Variants in SASH1 observed in about 807,000 individuals in gnomAD.
SASH1 encodes SAM and SH3 domain-containing protein 1.
Under a neutral mutation model 125.2 loss-of-function variants are expected in SASH1, and 44 were observed. That is an observed-to-expected ratio of 0.35 (90% CI 0.28 to 0.45). The LOEUF is 0.45. SASH1 is among the 20% of genes least tolerant of loss of function. SASH1 has a pLI of 1.00. For synonymous variants in SASH1, 639 were observed against 649.1 expected, an observed-to-expected ratio of 0.98 and a Z score of 0.24; for missense variants, 1,426 against 1,614.5, an observed-to-expected ratio of 0.88 and a Z score of 2.00.
In SASH1 at chr6:148,532,749, G is replaced by C; in HGVS notation, c.1565-48G>C. ...CCTTCAATACCTTTCTGCTTTGCTG[G>C]GTGGGAAATCTGGATCTACCCGTGT... is the stretch of plus-strand genomic sequence containing the variant. On this transcript the variant is annotated intron_variant, in intron 13 of 19. Coordinates refer to ENST00000367467, the MANE Select transcript of SASH1 (RefSeq NM_015278.5). The surrounding 1 kb of genome is among the most constrained non-coding windows in gnomAD (Gnocchi z 4.7). 1 of 1,603,078 alleles carries C rather than the reference G, an allele frequency of 6.2e-7. No individual in the cohort carries two copies. Among genetic ancestry groups the C allele is most frequent in the Non-Finnish European group, 8.5e-7 (1 of 1,172,438 alleles).
In SASH1 at chr6:148,533,633, AG is replaced by A; in HGVS notation, c.1735-137del. 1 of 768,134 alleles carries A rather than the reference AG, an allele frequency of 1.3e-6. No individual in the cohort carries two copies. Among genetic ancestry groups the A allele is most frequent in the Non-Finnish European group, 2.2e-6 (1 of 457,420 alleles). The allele number at this position is 768,134 out of a possible 1,614,324, so 47.6% of individuals were successfully genotyped here. On this transcript the variant is annotated intron_variant, in intron 14 of 19. Coordinates refer to ENST00000367467, the MANE Select transcript of SASH1 (RefSeq NM_015278.5). The surrounding 1 kb of genome is among the most constrained non-coding windows in gnomAD (Gnocchi z 6.2). The stretch of plus-strand genomic sequence containing the variant: ...CAGTCACATCCTATGCAGGTCACTC[AG>A]AGGGGTGACTTGTGGGACCCCGATT...
intron 10 of SASH1, among the ~76,000 whole-genome samples, chr6:148,524,100 T>C (rs1016688068): frequency 2.3e-4 from 21 of 92,498 alleles, no homozygotes; most frequent in Non-Finnish European, 4.9e-5. Flanking sequence ...CAGTTAATTA[T>C]ATATATATAT....
chr6:148,347,795 T>C (rs955289370), intron 1 of SASH1, among the ~76,000 whole-genome samples: 2 of 152,112 alleles, frequency 1.3e-5, no homozygotes, highest in African/African-American at 4.8e-5. Context: ...GGCCTCTCTA[T>C]GTGGAGAAGT....
the SASH1 span, among the ~76,000 whole-genome samples, chr6:148,209,217 A>G: frequency 3.3e-4 from 51 of 152,348 alleles, 1 homozygote; most frequent in African/African-American, 1.1e-3. Context: ...ATGAAATGAC[A>G]AAATATATTT....
At chr6:148,198,385 T>A in the SASH1 span, among the ~76,000 whole-genome samples, 4 of 152,242 alleles carry the variant, frequency 2.6e-5, no homozygotes, top group Non-Finnish European at 5.9e-5. Flanking sequence ...TTATTTCTAG[T>A]TTGTGGGCTT....
rs572409270 is a variant in SASH1, at chr6:148,481,215, T to C, written c.628-6399T>C. ...ATTTAATATAAGACGCACCTCCTTA[T>C]CTCTTCATAGAACTGAAAAGAGTTA... On this transcript the variant is annotated intron_variant, in intron 7 of 19. Coordinates refer to ENST00000367467, the MANE Select transcript of SASH1 (RefSeq NM_015278.5). Among the ~76,000 whole-genome samples the C allele has an allele frequency of 2.0e-4, 31 of 152,186 alleles. No individual in the cohort carries two copies. The East Asian group carries it at 5.8e-3, about 28-fold the overall frequency.
rs1243570219 is a variant in SASH1, at chr6:148,533,306, C to T, written c.1734+340C>T. ...GTTTTCTCCATCTGAAGAAAGATTT[C>T]TGCCTTCTGTGTGCTCAGAGGTACC... On this transcript the variant is annotated intron_variant, in intron 14 of 19. Transcript: ENST00000367467. This position sits in a 1 kb window ranked among gnomAD's most constrained non-coding sequence, Gnocchi z 6.2. Among the ~76,000 whole-genome samples the T allele has an allele frequency of 6.6e-6, 1 of 152,202 alleles. No homozygotes were observed. The highest frequency in any genetic ancestry group is 1.9e-4 in the East Asian group (1 of 5,190).
intron 2 of SASH1, among the ~76,000 whole-genome samples, chr6:148,436,582 T>C (rs1776299392): frequency 6.6e-6 from 1 of 152,158 alleles, no homozygotes; most frequent in Non-Finnish European, 1.5e-5. Flanking sequence ...CCTTTCTCCA[T>C]ATGCTTACTC....
intron 1 of SASH1, among the ~76,000 whole-genome samples, chr6:148,386,160 A>T (rs1452609220): frequency 6.6e-6 from 1 of 151,982 alleles, no homozygotes; most frequent in African/African-American, 2.4e-5. Flanking sequence ...AGGGAGGGGA[A>T]CCACCTCCCC....
intron 2 of SASH1, among the ~76,000 whole-genome samples, chr6:148,391,551 A>G (rs1439443232): frequency 6.6e-6 from 1 of 151,750 alleles, no homozygotes; most frequent in Non-Finnish European, 1.5e-5. Flanking sequence ...TGTCATCACC[A>G]TCTTTCATGG....
chr6:148,450,247 C>T (rs1276498729), intron 4 of SASH1, among the ~76,000 whole-genome samples: 2 of 152,202 alleles, frequency 1.3e-5, no homozygotes, highest in African/African-American at 4.8e-5. Flanking sequence ...GGATGCTCAG[C>T]TCTCCCCAGT....
rs1341070007 is a variant in SASH1 at position 148,303,939 on chromosome 6, A to T, written n.74+31562A>T. On this transcript the variant is annotated intron_variant and non_coding_transcript_variant, in intron 1 of 3. Transcript: ENST00000367469. ...ATACCAAAACTTATAAGATGCAGCT[A>T]AAACAATGCTCAGAAGGCAATGTAT... is the stretch of plus-strand genomic sequence containing the variant. Among the ~76,000 whole-genome samples the T allele has an allele frequency of 2.0e-5, 3 of 152,228 alleles. No homozygotes were observed. In the East Asian group the frequency reaches 5.8e-4, roughly 29 times the overall value.
rs151221797 is a variant in SASH1 at position 148,386,918 on chromosome 6, G to C, written c.157-3216G>C. Among the ~76,000 whole-genome samples, 386 of 152,228 alleles carry C rather than the reference G, an allele frequency of 2.5e-3. 9 individuals are homozygous for C. Among genetic ancestry groups the C allele is most frequent in the Admixed American group, 0.018 (277 of 15,288 alleles). The stretch of plus-strand genomic sequence containing the variant: ...ATGGTGAGCACTTTGTTTCTTTGAA[G>C]TATCAGCAAACAAACATCCCTAGGT... On this transcript the variant is annotated intron_variant, in intron 1 of 19. Coordinates refer to ENST00000367467, the MANE Select transcript of SASH1 (RefSeq NM_015278.5).
chr6:148,451,526 G>A (rs928088359), intron 4 of SASH1, among the ~76,000 whole-genome samples: 7 of 152,096 alleles, frequency 4.6e-5, no homozygotes, highest in Non-Finnish European at 8.8e-5. Flanking sequence ...TGCTGAGCAC[G>A]GTGAGATGCG....
intron 16 of SASH1, among the ~76,000 whole-genome samples, chr6:148,539,232 G>C (rs887974955): frequency 7.2e-5 from 11 of 151,976 alleles, no homozygotes; most frequent in African/African-American, 2.4e-4. Flanking sequence ...AGCTTTGGGG[G>C]TATAAGTGGT....
chr6:148,405,139 C>G (rs1421032155), intron 2 of SASH1, among the ~76,000 whole-genome samples: 1 of 152,022 alleles, frequency 6.6e-6, no homozygotes, highest in Non-Finnish European at 1.5e-5. Flanking sequence ...TTTCCTCTTC[C>G]TACTCCACAC....
chr6:148,365,346 A>T (rs1397853224), intron 1 of SASH1, among the ~76,000 whole-genome samples: 1 of 151,764 alleles, frequency 6.6e-6, no homozygotes, highest in Non-Finnish European at 1.5e-5. Flanking sequence ...CAGTCATTTG[A>T]CATTTACAGT....
At chr6:148,466,077 C>T (rs1165435184) in intron 4 of SASH1, among the ~76,000 whole-genome samples, 8 of 152,126 alleles carry the variant, frequency 5.3e-5, no homozygotes, top group Admixed American at 6.6e-5. Context: ...CAGGTAAATA[C>T]AGGTATTTTC....
chr6:148,260,148 T>C, the SASH1 span, among the ~76,000 whole-genome samples: 1 of 152,232 alleles, frequency 6.6e-6, no homozygotes, highest in Admixed American at 6.5e-5. Flanking sequence ...AGTTTGAATA[T>C]AATATGCATA....
Sources: allele counts gnomAD v4.1 joint callset (sites outside exome capture counted in the v4.1 genomes callset), GRCh38; gene constraint gnomAD v4.1.1; non-coding constraint Gnocchi (gnomAD v3.1); transcripts MANE v1.5; gene names NCBI Gene and HGNC (gene_info 2026-07-23, HGNC 2026-07-21).